The following HS3ST5 variants were observed in gnomAD, a reference collection of about 807,000 sequenced individuals.
The protein encoded by HS3ST5 is heparan sulfate-glucosamine 3-sulfotransferase 5.
In HS3ST5, 10 loss-of-function variants were observed where a neutral mutation model predicts 25.4. The observed-to-expected ratio is 0.39, with a 90% confidence interval of 0.24 to 0.67. The LOEUF is 0.67. Among genes scored for constraint, HS3ST5 ranks in the 30% least tolerant of loss-of-function variants. The pLI, the probability that HS3ST5 is intolerant of heterozygous loss-of-function variation, is 0.44. For synonymous variants in HS3ST5, 170 were observed against 162.4 expected, an observed-to-expected ratio of 1.05 and a Z score of -0.36; for missense variants, 324 against 420.7, an observed-to-expected ratio of 0.77 and a Z score of 2.01.
At chr6:114,327,918 G>A (rs1776235384) in intron 1 of HS3ST5, among the ~76,000 whole-genome samples, 1 of 152,132 alleles carries the variant, frequency 6.6e-6, no homozygotes, top group Admixed American at 6.6e-5. Context: ...TGTTGGAAAG[G>A]TGATATTGCT....
At chr6:114,147,096 G>A (rs1582651487) in intron 3 of HS3ST5, among the ~76,000 whole-genome samples, 1 of 152,218 alleles carries the variant, frequency 6.6e-6, no homozygotes. Flanking sequence ...ACTATATAGG[G>A]GGACTCTGTG....
chr6:114,305,822 C>G (rs1164905905), intron 1 of HS3ST5, among the ~76,000 whole-genome samples: 1 of 152,092 alleles, frequency 6.6e-6, no homozygotes, highest in Non-Finnish European at 1.5e-5. Context: ...CAAATCTCAA[C>G]ACAATGAAAC....
chr6:114,100,716 A>T (rs576428797), intron 3 of HS3ST5, among the ~76,000 whole-genome samples: 8 of 152,320 alleles, frequency 5.3e-5, no homozygotes, highest in Non-Finnish European at 1.2e-4. Flanking sequence ...ACTTAGTGAA[A>T]GCATTTGAAG....
intron 4 of HS3ST5, chr6:114,058,583 C>G (rs1285519443): frequency 6.0e-6 from 1 of 167,886 alleles, no homozygotes; most frequent in Non-Finnish European, 1.3e-5. Context: ...GGAAGGGTAG[C>G]AGGGAGGCCA....
Position 114,225,522 on chromosome 6 carries a change from G to A in HS3ST5, c.-145+3063C>T, listed in dbSNP as rs577703305. The stretch of plus-strand genomic sequence containing the variant: ...GAAAATATTTTCTTAGGGTCATGCC[G>A]CTACTAGGAAGCTGAGTCAGACTTT... On this transcript the variant is annotated intron_variant, in intron 2 of 4. Coordinates refer to ENST00000312719, the MANE Select transcript of HS3ST5 (RefSeq NM_153612.4). 1.2e-4 allele frequency among the ~76,000 whole-genome samples: 18 copies of A among 151,954 alleles called. No individual in the cohort carries two copies. The South Asian group carries it at 2.7e-3, about 23-fold the overall frequency.
chr6:114,310,247 T>C (rs1775472006), intron 1 of HS3ST5, among the ~76,000 whole-genome samples: 1 of 152,214 alleles, frequency 6.6e-6, no homozygotes, highest in Non-Finnish European at 1.5e-5. Flanking sequence ...AGTACATTTA[T>C]TGCACAATAG....
At chr6:114,254,130 T>C (rs1772790299) in intron 1 of HS3ST5, among the ~76,000 whole-genome samples, 1 of 152,190 alleles carries the variant, frequency 6.6e-6, no homozygotes, top group African/African-American at 2.4e-5. Flanking sequence ...CTGAGCTCTG[T>C]GTCCTGGAAA....
intron 1 of HS3ST5, among the ~76,000 whole-genome samples, chr6:114,280,490 G>A (rs1301324580): frequency 6.6e-6 from 1 of 151,976 alleles, no homozygotes; most frequent in Non-Finnish European, 1.5e-5. Context: ...AAGAGAATCT[G>A]GGCCAGCAGG....
At chr6:114,284,936 G>C (rs1263016721) in intron 1 of HS3ST5, among the ~76,000 whole-genome samples, 1 of 151,992 alleles carries the variant, frequency 6.6e-6, no homozygotes, top group Non-Finnish European at 1.5e-5. Flanking sequence ...CAGCTCATTT[G>C]TCTATATAAT....
chr6:114,061,594 C>T (rs1773117035), intron 4 of HS3ST5, among the ~76,000 whole-genome samples: 2 of 152,214 alleles, frequency 1.3e-5, no homozygotes, highest in African/African-American at 4.8e-5. Context: ...TATGTGTTTT[C>T]ACTGACTGTG....
At chr6:114,136,746 C>G (rs1341622826) in intron 3 of HS3ST5, among the ~76,000 whole-genome samples, 2 of 152,146 alleles carry the variant, frequency 1.3e-5, no homozygotes, top group Admixed American at 1.3e-4. Context: ...TTGTTTTGTT[C>G]AAGTGGAGGC....
At chr6:114,341,305 A>C (rs1186317390) in intron 1 of HS3ST5, among the ~76,000 whole-genome samples, 1 of 148,322 alleles carries the variant, frequency 6.7e-6, no homozygotes, top group Admixed American at 6.7e-5. Context: ...GAATGTGAGC[A>C]TCAGCTCCCT....
chr6:114,135,834 C>T (rs1441898677), intron 3 of HS3ST5, among the ~76,000 whole-genome samples: 1 of 152,194 alleles, frequency 6.6e-6, no homozygotes, highest in Non-Finnish European at 1.5e-5. Context: ...GGTCTTTATT[C>T]AAATGCCACC....
chr6:114,096,589 C>A (rs148615527), intron 3 of HS3ST5, among the ~76,000 whole-genome samples: 1 of 151,996 alleles, frequency 6.6e-6, no homozygotes, highest in Non-Finnish European at 1.5e-5. Flanking sequence ...ATGCCATAAA[C>A]GTGCACAATT....
At chr6:114,137,262 A>G (rs1313433328) in intron 3 of HS3ST5, among the ~76,000 whole-genome samples, 1 of 152,188 alleles carries the variant, frequency 6.6e-6, no homozygotes, top group Non-Finnish European at 1.5e-5. Flanking sequence ...GTTTCAAAGT[A>G]CAAAAGTAAC....
chr6:114,131,045 AAAAT>A (rs142647677), intron 3 of HS3ST5, among the ~76,000 whole-genome samples: 8,765 of 152,230 alleles, frequency 0.058, 308 homozygotes, highest in Non-Finnish European at 0.08. Context: ...CTGTCTCTAA[AAAAT>A]AAATAAATAG....
At chr6:114,129,023 C>T (rs1236957426) in intron 3 of HS3ST5, among the ~76,000 whole-genome samples, 1 of 152,128 alleles carries the variant, frequency 6.6e-6, no homozygotes, top group Admixed American at 6.5e-5. Context: ...TTTATTTGTC[C>T]ATTTATCATA....
At chr6:114,216,934 G>A (rs1230470336) in intron 2 of HS3ST5, among the ~76,000 whole-genome samples, 6 of 152,134 alleles carry the variant, frequency 3.9e-5, no homozygotes, top group Admixed American at 3.3e-4. Flanking sequence ...TGATGCTGCA[G>A]TGCTGAAGCC....
In HS3ST5 at chr6:114,326,016, A is replaced by AGACCAGC. The variant is rs1377920247; in HGVS notation, c.-339+16178_-339+16179insGCTGGTC. Among the ~76,000 whole-genome samples, 4 of 152,224 alleles carry AGACCAGC rather than the reference A, an allele frequency of 2.6e-5. 1 individual carries two copies. Among genetic ancestry groups the AGACCAGC allele is most frequent in the African/African-American group, 9.6e-5 (4 of 41,508 alleles). Reference sequence around the variant, plus strand: ...GATGAGAGGGGAGAAATTACAAGGAACTACCCCTTATTTAAATTGCAATGC... The same window carrying AGACCAGC: ...GATGAGAGGGGAGAAATTACAAGGAAGACCAGCCTACCCCTTATTTAAATTGCAATGC... On this transcript the variant is annotated intron_variant, in intron 1 of 4. Transcript: ENST00000312719.
Sources: allele counts gnomAD v4.1 joint callset (sites outside exome capture counted in the v4.1 genomes callset), GRCh38; gene constraint gnomAD v4.1.1; transcripts MANE v1.5; gene names NCBI Gene and HGNC (gene_info 2026-07-23, HGNC 2026-07-21).